Variants in EBF3 observed in about 807,000 individuals in gnomAD.
EBF3 encodes transcription factor COE3.
Under a neutral mutation model 77.1 loss-of-function variants are expected in EBF3, and 18 were observed. The ratio of observed to expected loss-of-function variants is 0.23; its 90% CI spans 0.16 to 0.35. The LOEUF (loss-of-function observed/expected upper bound fraction) is 0.35, where lower values mean the gene tolerates loss of function less well. EBF3 is among the 10% of genes least tolerant of loss of function. EBF3 has a pLI of 1.00. For missense variants in EBF3, 558 were observed against 860.0 expected, an observed-to-expected ratio of 0.65 and a Z score of 4.39; for synonymous variants, 350 against 343.5, an observed-to-expected ratio of 1.02 and a Z score of -0.21.
At position 129,959,014 on chromosome 10, in the gene EBF3, G is replaced by A. The variant is rs368585485; in HGVS notation, c.412-7C>T. 1.4e-5 allele frequency: 23 copies of A among 1,597,892 alleles called. No individual in the cohort carries two copies. In the African/African-American group the frequency reaches 2.4e-4, roughly 16 times the overall value. ...GGCCCTCGTAGACGATGGCCTGCGC[G>A]AGGGACAAGCAGAGGCTGGGGTTAC... is the stretch of plus-strand genomic sequence containing the variant. On this transcript the variant is annotated splice_polypyrimidine_tract_variant and splice_region_variant and intron_variant, in intron 4 of 16. Coordinates refer to ENST00000440978, the MANE Select transcript of EBF3 (RefSeq NM_001375380.1).
intron 6 of EBF3, among the ~76,000 whole-genome samples, chr10:129,900,366 C>T (rs948629083): frequency 5.3e-5 from 8 of 151,766 alleles, no homozygotes; most frequent in Non-Finnish European, 8.8e-5. Flanking sequence ...GCAGAAAGAC[C>T]GTTTTATAAC....
chr10:129,868,011 G>C, intron 8 of EBF3, 99 bp from the exon 9 acceptor site: 1 of 1,512,622 alleles, frequency 6.6e-7, no homozygotes, highest in Non-Finnish European at 8.9e-7. Context: ...CGCGGGAGGA[G>C]AGGCGCGCCG....
intron 6 of EBF3, among the ~76,000 whole-genome samples, chr10:129,891,004 C>A (rs2134196221): frequency 6.6e-6 from 1 of 152,282 alleles, no homozygotes; most frequent in Admixed American, 6.5e-5. Flanking sequence ...TACTGTCATT[C>A]CTCAACTTGC....
chr10:129,901,566 C>T (rs1307117657), intron 6 of EBF3, among the ~76,000 whole-genome samples: 1 of 152,196 alleles, frequency 6.6e-6, no homozygotes, highest in Non-Finnish European at 1.5e-5. Context: ...TTGAAAGCAT[C>T]CCGGTGATTT....
intron 6 of EBF3, among the ~76,000 whole-genome samples, chr10:129,946,830 G>C (rs1465583512): frequency 6.6e-6 from 1 of 152,216 alleles, no homozygotes; most frequent in African/African-American, 2.4e-5. Flanking sequence ...ATTTGTTCAA[G>C]GTAATGATCT....
chr10:129,918,160 C>T (rs1401378597), intron 6 of EBF3, among the ~76,000 whole-genome samples: 2 of 152,210 alleles, frequency 1.3e-5, no homozygotes, highest in East Asian at 3.9e-4. Context: ...TCCCACCCAG[C>T]ATTCCTGAGG....
Position 129,835,677 on chromosome 10 carries a change from CTGTT to C in EBF3, c.*2262_*2265del, listed in dbSNP as rs1452307217. ...TGACCTGCTGACTCCTGGGGACATT[CTGTT>C]TATTTAATTTTGTCCCTAGAATGAA... On this transcript the variant is annotated 3_prime_UTR_variant, in exon 17 of 17. Coordinates refer to ENST00000440978, the MANE Select transcript of EBF3 (RefSeq NM_001375380.1). The C allele has an allele frequency of 1.3e-5, 2 of 152,130 alleles. No homozygotes were observed. Among genetic ancestry groups the C allele is most frequent in the Admixed American group, 6.5e-5 (1 of 15,278 alleles). 9.4% of individuals were successfully genotyped at this position (152,130 alleles called of 1,614,324 possible). A position where few individuals can be genotyped will look rare whatever the true frequency, so the allele number is the denominator to read the frequency against.
At position 129,897,495 on chromosome 10, in the gene EBF3, G is replaced by A. The variant is rs1854477730; in HGVS notation, c.555-19646C>T. Among the ~76,000 whole-genome samples the A allele has an allele frequency of 6.6e-6, 1 of 152,120 alleles. No homozygotes were observed. The highest frequency in any genetic ancestry group is 2.4e-5 in the African/African-American group (1 of 41,438). ...GCTCCCCCTAAATCAAGGGGGGCCA[G>A]GCAGACCTAACAAACAGAGGCAACA... On this transcript the variant is annotated intron_variant, in intron 6 of 16. Coordinates refer to ENST00000440978, the MANE Select transcript of EBF3 (RefSeq NM_001375380.1). The surrounding 1 kb of genome is among the most constrained non-coding windows in gnomAD (Gnocchi z 4.6).
At chr10:129,937,264 G>C (rs1413483939) in intron 6 of EBF3, among the ~76,000 whole-genome samples, 2 of 152,008 alleles carry the variant, frequency 1.3e-5, no homozygotes, top group South Asian at 2.1e-4. Context: ...GAGACCCCTA[G>C]TTTGAGCAGA....
intron 6 of EBF3, among the ~76,000 whole-genome samples, chr10:129,919,812 C>T (rs1049989456): frequency 2.6e-5 from 4 of 152,160 alleles, no homozygotes; most frequent in African/African-American, 9.7e-5. Context: ...GTCTCTGCTC[C>T]CTGAGGGCAG....
At position 129,863,177 on chromosome 10, in the gene EBF3, TTCTC is replaced by T. The variant is rs1168115667; in HGVS notation, c.1039+3960_1039+3963del. 3.3e-5 allele frequency among the ~76,000 whole-genome samples: 5 copies of T among 152,206 alleles called. No individual in the cohort carries two copies. Among genetic ancestry groups the T allele is most frequent in the East Asian group, 3.8e-4 (2 of 5,198 alleles). On this transcript the variant is annotated intron_variant, in intron 10 of 16. Transcript: ENST00000440978. The surrounding 1 kb of genome is among the most constrained non-coding windows in gnomAD (Gnocchi z 4.0). Reference sequence around the variant, plus strand: ...CTAAGTGCTAGCCGCTTGAAAATTGTTCTCTCTCTCTAATTTCTGACCTTCTTAC... The same window carrying T: ...CTAAGTGCTAGCCGCTTGAAAATTGTTCTCTCTAATTTCTGACCTTCTTAC...
At chr10:129,843,740 ATAAAGTGAATTAACTTGGGTTAATC>A (rs2133960759) in intron 11 of EBF3, among the ~76,000 whole-genome samples, 1 of 152,354 alleles carries the variant, frequency 6.6e-6, no homozygotes, top group East Asian at 1.9e-4. Flanking sequence ...ATTTTGAACA[ATAAAGTGAATTAACTTGGGTTAATC>A]TAGTTCTTTC....
intron 6 of EBF3, among the ~76,000 whole-genome samples, chr10:129,898,504 C>G (rs1480765544): frequency 6.6e-6 from 1 of 152,146 alleles, no homozygotes; most frequent in African/African-American, 2.4e-5. Context: ...CTGGGGACCG[C>G]CCCCCACCCC....
chr10:129,914,725 C>A (rs1170317540), intron 6 of EBF3, among the ~76,000 whole-genome samples: 1 of 152,132 alleles, frequency 6.6e-6, no homozygotes, highest in Non-Finnish European at 1.5e-5. Flanking sequence ...ATGGTAGAGC[C>A]ACCTGCATGG....
Position 129,944,731 on chromosome 10 carries a change from T to G in EBF3, c.554+12527A>C, listed in dbSNP as rs1858049807. Among the ~76,000 whole-genome samples, 2 of 152,198 alleles carry G rather than the reference T, an allele frequency of 1.3e-5. No homozygotes were observed. Among genetic ancestry groups the G allele is most frequent in the Admixed American group, 1.3e-4 (2 of 15,290 alleles). ...TGAATCTCATTTTATGCGATTAAGA[T>G]CCATAAAAATTCAATAGCTTTTCTT... On this transcript the variant is annotated intron_variant, in intron 6 of 16. Transcript: ENST00000440978. This position sits in a 1 kb window ranked among gnomAD's most constrained non-coding sequence, Gnocchi z 5.1.
At chr10:129,866,253 C>T (rs1852006559) in intron 10 of EBF3, among the ~76,000 whole-genome samples, 1 of 152,118 alleles carries the variant, frequency 6.6e-6, no homozygotes, top group African/African-American at 2.4e-5. Context: ...TCCTGAGTAG[C>T]TAGGACCACA....
intron 10 of EBF3, among the ~76,000 whole-genome samples, chr10:129,856,203 T>A (rs1413605395): frequency 6.6e-6 from 1 of 152,176 alleles, no homozygotes; most frequent in East Asian, 1.9e-4. Context: ...CTTGGAGACA[T>A]CTGGCCAACA....
intron 10 of EBF3, among the ~76,000 whole-genome samples, chr10:129,853,711 A>T (rs925757049): frequency 1.3e-5 from 2 of 152,232 alleles, no homozygotes; most frequent in Admixed American, 6.5e-5. Flanking sequence ...TGTAAAAATT[A>T]AATAAAGTAA....
chr10:129,953,302 G>C (rs916120318), intron 6 of EBF3, among the ~76,000 whole-genome samples: 6 of 152,074 alleles, frequency 3.9e-5, no homozygotes, highest in Non-Finnish European at 8.8e-5. Context: ...CGTCAATTAC[G>C]CATAAAAATC....
Sources: gnomAD v4.1 joint callset for allele counts (sites outside exome capture counted in the v4.1 genomes callset) on GRCh38, gnomAD v4.1.1 for gene constraint, Gnocchi (gnomAD v3.1) non-coding constraint, MANE v1.5 for transcripts, NCBI Gene and HGNC (gene_info 2026-07-23, HGNC 2026-07-21) for gene names.